The following SECISBP2 variants were observed in gnomAD, a reference collection of about 807,000 sequenced individuals.
SECISBP2 encodes SECIS binding protein 2, also known as selenocysteine insertion sequence-binding protein 2.
A neutral mutation model predicts 98.2 loss-of-function variants in SECISBP2; 96 were observed. That is an observed-to-expected ratio of 0.98 (90% CI 0.83 to 1.16). SECISBP2 has a LOEUF of 1.16. Ranked by LOEUF, SECISBP2 falls within the 50% of genes most tolerant of loss-of-function variation. The pLI is 0.00. For synonymous variants in SECISBP2, 407 were observed against 370.2 expected (o/e 1.10, Z -1.14); for missense variants, 1,046 against 1,022.9 (o/e 1.02, Z -0.31).
At chr9:89,352,600 G>A (rs557377000) in intron 14 of SECISBP2, among the ~76,000 whole-genome samples, 1 of 152,142 alleles carries the variant, frequency 6.6e-6, no homozygotes, top group Admixed American at 6.5e-5. Flanking sequence ...TCTGGGACAC[G>A]ATGAATTTTT....
chr9:89,358,338 A>G (rs1052320856), intron 16 of SECISBP2, 147 bp downstream of exon 16: 1 of 823,766 alleles, frequency 1.2e-6, no homozygotes, highest in African/African-American at 1.7e-5. Context: ...CCTAAGAGGT[A>G]TTATCAGACT....
downstream of SECISBP2, chr9:89,361,512 C>T (rs1832762256): frequency 6.6e-6 from 1 of 152,138 alleles, no homozygotes; most frequent in Admixed American, 6.5e-5. Context: ...AGGACAAGTT[C>T]ACACACACAG....
downstream of SECISBP2, chr9:89,363,769 C>T (rs555149600): frequency 3.0e-5 from 49 of 1,613,530 alleles, no homozygotes; most frequent in South Asian, 2.1e-4. Flanking sequence ...CCTGCACCTT[C>T]GAAGTCTTGT....
chr9:89,335,977 G>T (rs1184513048), intron 7 of SECISBP2, among the ~76,000 whole-genome samples: 1 of 148,552 alleles, frequency 6.7e-6, no homozygotes, highest in Non-Finnish European at 1.5e-5. Context: ...TCTACATTTT[G>T]TGATCATGTG....
chr9:89,339,773 T>G (rs990700117), intron 8 of SECISBP2, 91 bp from the exon 9 acceptor site: 21 of 912,786 alleles, frequency 2.3e-5, no homozygotes, highest in Non-Finnish European at 3.7e-6. Context: ...TTAAGGGACC[T>G]TACTGAAGAA....
At chr9:89,348,360 A>C (rs577766316) in intron 12 of SECISBP2, 146 bp downstream of exon 12, 1 of 892,600 alleles carries the variant, frequency 1.1e-6, no homozygotes, top group East Asian at 2.5e-5. Flanking sequence ...TCCCAGCTTT[A>C]CAGGGAAGGG....
intron 14 of SECISBP2, among the ~76,000 whole-genome samples, chr9:89,351,261 T>C (rs554281646): frequency 6.6e-6 from 1 of 152,248 alleles, no homozygotes; most frequent in African/African-American, 2.4e-5. Context: ...TGTGGTTGAC[T>C]CATCTGTTTG....
downstream of SECISBP2, chr9:89,363,306 C>G: frequency 7.1e-7 from 1 of 1,409,298 alleles, no homozygotes; most frequent in South Asian, 1.4e-5. Context: ...GGAAACTGCT[C>G]CGGGGCTAAG....
In SECISBP2 at chr9:89,341,479, G is replaced by C. The variant is rs144555942; in HGVS notation, c.1435G>C (p.Val479Leu). The C allele has an allele frequency of 6.2e-7, 1 of 1,614,006 alleles. No homozygotes were observed. The highest frequency in any genetic ancestry group is 1.3e-5 in the African/African-American group (1 of 74,924). Residue 479 changes from valine to leucine, a missense_variant and splice_region_variant, in exon 10 of 17, where the codon GTT becomes CTT. Coordinates refer to ENST00000375807, the MANE Select transcript of SECISBP2 (RefSeq NM_024077.5). ...GTCCTCCAAACCAGTGGTAGTCTCA[G>C]GTAAGAGAGTCTTTCCATCTCAGGC... ...KQSSKPVVVS[V>L]GAVPVLSKEC...
chr9:89,319,664 TCAG>T lies in SECISBP2; in HGVS notation c.53_55del (p.Ala18del). The T allele has an allele frequency of 6.2e-7, 1 of 1,614,256 alleles. No homozygotes were observed. Among genetic ancestry groups the T allele is most frequent in the Non-Finnish European group, 8.5e-7 (1 of 1,180,044 alleles). On this transcript the variant is annotated inframe_deletion, in exon 2 of 17. Transcript: ENST00000375807. ...TATTTTTCCTCAGGGCATCAAGTTA[TCAG>T]CAGATGTCAAACCATTTGTCCCCAG...
At chr9:89,364,244 G>T, downstream of SECISBP2, 1 of 490,734 alleles carries the variant, frequency 2.0e-6, no homozygotes, top group Non-Finnish European at 3.7e-6. Flanking sequence ...CGCTGTGCTG[G>T]TTTCTTACAG....
At chr9:89,325,742 A>G in intron 3 of SECISBP2, 66 bp downstream of exon 3, 2 of 1,609,140 alleles carry the variant, frequency 1.2e-6, no homozygotes, top group South Asian at 1.1e-5. Flanking sequence ...ATGTAAAGAA[A>G]TGGTAAATTT....
rs943782596 is a variant in SECISBP2, at chr9:89,318,552, C to T, written c.-25C>T. ...GACGGCCCGCTGCTGGCCTCCGTGA[C>T]GCGGCCTCCTCCGCGCCTCGCGGCA... On this transcript the variant is annotated 5_prime_UTR_variant, in exon 1 of 17. In the 5' UTR this introduces an upstream ATG that the reference lacks. Coordinates refer to ENST00000375807, the MANE Select transcript of SECISBP2 (RefSeq NM_024077.5). The T allele has an allele frequency of 1.4e-5, 21 of 1,509,488 alleles. No homozygotes were observed. The highest frequency in any genetic ancestry group is 2.4e-5 in the South Asian group (2 of 81,910). The allele number at this position is 1,509,488 out of a possible 1,614,324, so 93.5% of individuals were successfully genotyped here.
chr9:89,328,732 T>G lies in SECISBP2; in HGVS notation c.647T>G (p.Phe216Cys). 1 of 1,614,192 alleles carries G rather than the reference T, an allele frequency of 6.2e-7. No individual in the cohort carries two copies. Among genetic ancestry groups the G allele is most frequent in the Non-Finnish European group, 8.5e-7 (1 of 1,180,032 alleles). Residue 216 changes from phenylalanine to cysteine, a missense_variant, in exon 5 of 17, where the codon TTT becomes TGT. By Grantham distance (205) the Phe-to-Cys change is radical. Transcript: ENST00000375807. ...AKNVSTSKPE[F>C]EFTTLDFPEL... is the part of the protein sequence containing the mutation. ...AATGTATCTACCTCCAAACCTGAGT[T>G]TGAATTTACCACACTGGACTTTCCT...
downstream of SECISBP2, chr9:89,362,283 G>A: frequency 1.3e-6 from 2 of 1,576,740 alleles, no homozygotes; most frequent in Non-Finnish European, 8.7e-7. Context: ...GTTCAGAGCA[G>A]GCTTGGGCAA....
intron 10 of SECISBP2, among the ~76,000 whole-genome samples, chr9:89,343,649 C>T (rs1218654932): frequency 2.9e-4 from 44 of 152,174 alleles, no homozygotes; most frequent in Non-Finnish European, 4.4e-5. Flanking sequence ...ACTCCATCCA[C>T]GTTCCTACAA....
chr9:89,364,298 C>T (rs533717293), downstream of SECISBP2: 32 of 380,454 alleles, frequency 8.4e-5, no homozygotes, highest in African/African-American at 6.0e-4. Flanking sequence ...CACCATGGCC[C>T]TGCTGCCACA....
At chr9:89,351,548 G>A (rs1469087020) in intron 14 of SECISBP2, among the ~76,000 whole-genome samples, 1 of 152,126 alleles carries the variant, frequency 6.6e-6, no homozygotes, top group Non-Finnish European at 1.5e-5. Context: ...ACACTCACAA[G>A]CCCCTCCCTG....
intron 14 of SECISBP2, among the ~76,000 whole-genome samples, chr9:89,356,231 C>T (rs2132070802): frequency 6.6e-6 from 1 of 152,296 alleles, no homozygotes; most frequent in African/African-American, 2.4e-5. Context: ...GTTGCCTGCT[C>T]CTTATGAGAA....
Sources: allele counts gnomAD v4.1 joint callset (sites outside exome capture counted in the v4.1 genomes callset), GRCh38; gene constraint gnomAD v4.1.1; transcripts MANE v1.5; gene names NCBI Gene and HGNC (gene_info 2026-07-23, HGNC 2026-07-21).